Variants in NELL2 observed in about 807,000 individuals in gnomAD.
The protein encoded by NELL2 is neural EGFL like 2.
A neutral mutation model predicts 109.6 loss-of-function variants in NELL2; 41 were observed. The observed-to-expected ratio is 0.37, with a 90% confidence interval of 0.29 to 0.49. NELL2 has a LOEUF of 0.49. NELL2 is among the 20% of genes least tolerant of loss of function. The pLI is 0.98. For synonymous variants in NELL2, 355 were observed against 344.7 expected (o/e 1.03, Z -0.33); for missense variants, 900 against 1,008.3 (o/e 0.89, Z 1.45).
intron 3 of NELL2, among the ~76,000 whole-genome samples, chr12:44,795,263 A>C (rs761792518): frequency 2.0e-5 from 3 of 152,168 alleles, no homozygotes; most frequent in Admixed American, 6.5e-5. Flanking sequence ...CCTAAAGAAA[A>C]GCCATATGTA....
intron 9 of NELL2, among the ~76,000 whole-genome samples, chr12:44,739,307 A>G (rs994375511): frequency 2.0e-5 from 3 of 152,204 alleles, no homozygotes; most frequent in Admixed American, 1.3e-4. Context: ...GTAGTTTCAG[A>G]GAAAAAAAAT....
At chr12:44,817,859 CCT>C (rs972721339) in intron 2 of NELL2, among the ~76,000 whole-genome samples, 2 of 152,322 alleles carry the variant, frequency 1.3e-5, no homozygotes, top group African/African-American at 4.8e-5. Context: ...CCCTTGACTT[CCT>C]CTCTGCTACA....
intron 2 of NELL2, among the ~76,000 whole-genome samples, chr12:44,861,994 T>C (rs1944856854): frequency 6.6e-6 from 1 of 152,080 alleles, no homozygotes; most frequent in South Asian, 2.1e-4. Flanking sequence ...CCACCAAAAG[T>C]GCACAATAAT....
At chr12:44,575,512 A>T (rs899629724) in intron 15 of NELL2, among the ~76,000 whole-genome samples, 1 of 152,242 alleles carries the variant, frequency 6.6e-6, no homozygotes, top group African/African-American at 2.4e-5. Flanking sequence ...ATAAAATATT[A>T]TAAGATGAAG....
chr12:44,526,328 T>G (rs1941771863), intron 16 of NELL2, among the ~76,000 whole-genome samples: 1 of 152,188 alleles, frequency 6.6e-6, no homozygotes, highest in Admixed American at 6.5e-5. Flanking sequence ...TGTACCAGAC[T>G]CTGAGTACTT....
At chr12:44,729,574 A>C (rs5015836) in intron 9 of NELL2, among the ~76,000 whole-genome samples, 1 of 148,568 alleles carries the variant, frequency 6.7e-6, no homozygotes, top group Non-Finnish European at 1.5e-5. Flanking sequence ...TAAAAAAAAA[A>C]AAAACCAAGA....
chr12:44,842,085 A>AAGAGAGGGAGGGAGGG (rs1944242479), intron 2 of NELL2, among the ~76,000 whole-genome samples: 1 of 67,566 alleles, frequency 1.5e-5, no homozygotes, highest in Non-Finnish European at 3.0e-5. Flanking sequence ...GTAAGGACGG[A>AAGAGAGGGAGGGAGGG]AGGGAGGGAG....
rs369298301 is a variant in NELL2, at chr12:44,703,771, G to C, written c.1273C>G (p.Arg425Gly). The change falls in exon 12 of 20, where the codon CGA becomes GGA. Residue 425 changes from arginine to glycine, a missense_variant. By Grantham distance (125) the Arg-to-Gly change is moderately radical. This residue lies in a region of NELL2 where 292 missense variants were observed against 265.3 expected (regional missense o/e 1.10). Transcript: ENST00000429094. Reference sequence around the variant, plus strand: ...TCTCGAAGAGCCCTAAAACCATCTCGACAGCTACAAACAGCCCTGTCATTC... The same window carrying C: ...TCTCGAAGAGCCCTAAAACCATCTCCACAGCTACAAACAGCCCTGTCATTC... The part of the protein sequence containing the change: ...NLNDRAVCSC[R>G]DGFRALREDN... 171 of 1,613,060 alleles carry C rather than the reference G, an allele frequency of 1.1e-4. No homozygotes were observed. The highest frequency in any genetic ancestry group is 1.3e-4 in the Non-Finnish European group (159 of 1,179,602).
At chr12:44,566,160 A>C (rs1238239669) in intron 15 of NELL2, among the ~76,000 whole-genome samples, 1 of 152,182 alleles carries the variant, frequency 6.6e-6, no homozygotes, top group Non-Finnish European at 1.5e-5. Flanking sequence ...ATTACAAAGT[A>C]ATTCAAAATT....
chr12:44,673,071 C>A (rs1190761676), intron 12 of NELL2, among the ~76,000 whole-genome samples: 3 of 151,962 alleles, frequency 2.0e-5, no homozygotes, highest in Non-Finnish European at 4.4e-5. Context: ...TGAGACAGAG[C>A]GAAGTAAAAA....
intron 1 of NELL2, among the ~76,000 whole-genome samples, chr12:44,892,924 A>T (rs1592707925): frequency 2.0e-5 from 3 of 151,748 alleles, no homozygotes; most frequent in African/African-American, 4.8e-5. Flanking sequence ...CCAAACTATT[A>T]AAAAAAATCA....
At chr12:44,532,402 T>C in intron 16 of NELL2, 179 bp downstream of exon 16, 1 of 457,804 alleles carries the variant, frequency 2.2e-6, no homozygotes, top group Non-Finnish European at 3.5e-6. Flanking sequence ...TATCTAAAAA[T>C]AACATTAGAT....
At chr12:44,566,154 C>T (rs1943650111) in intron 15 of NELL2, among the ~76,000 whole-genome samples, 2 of 151,990 alleles carry the variant, frequency 1.3e-5, no homozygotes, top group South Asian at 2.1e-4. Flanking sequence ...GTTTGAATTA[C>T]AAAGTAATTC....
chr12:44,903,680 C>T (rs11182739), intron 1 of NELL2, among the ~76,000 whole-genome samples: 3,095 of 152,206 alleles, frequency 0.02, 101 homozygotes, highest in East Asian at 0.17. Flanking sequence ...AAACGTGGCA[C>T]ATATGCACTG....
intron 15 of NELL2, among the ~76,000 whole-genome samples, chr12:44,557,602 A>G (rs955716866): frequency 1.3e-5 from 2 of 152,210 alleles, no homozygotes; most frequent in African/African-American, 4.8e-5. Flanking sequence ...ATCATGGAAG[A>G]TCACTTTAGA....
chr12:44,614,493 T>A (rs1017346222), intron 13 of NELL2, among the ~76,000 whole-genome samples: 1 of 152,016 alleles, frequency 6.6e-6, no homozygotes, highest in African/African-American at 2.4e-5. Context: ...ACATACAATG[T>A]AAACCTGATT....
intron 15 of NELL2, among the ~76,000 whole-genome samples, chr12:44,583,222 A>G (rs1040756251): frequency 6.6e-6 from 1 of 152,222 alleles, no homozygotes; most frequent in African/African-American, 2.4e-5. Flanking sequence ...TCAATGAATG[A>G]AAGTTGACAA....
At chr12:44,856,602 C>A (rs917850198) in intron 2 of NELL2, among the ~76,000 whole-genome samples, 3 of 152,040 alleles carry the variant, frequency 2.0e-5, no homozygotes, top group South Asian at 4.1e-4. Context: ...CGGTGGACAG[C>A]CAGTGCAAAA....
intron 9 of NELL2, among the ~76,000 whole-genome samples, chr12:44,767,062 G>C (rs935341783): frequency 2.0e-5 from 3 of 152,150 alleles, no homozygotes; most frequent in African/African-American, 7.2e-5. Context: ...CTTAGAGCCA[G>C]AGGACAGTAT....
Sources: gnomAD v4.1 joint callset for allele counts (sites outside exome capture counted in the v4.1 genomes callset) on GRCh38, gnomAD v4.1.1 for gene constraint, gnomAD v4.1.1 regional missense constraint, MANE v1.5 for transcripts, NCBI Gene and HGNC (gene_info 2026-07-23, HGNC 2026-07-21) for gene names.